The following DGLUCY variants were observed in gnomAD, a reference collection of about 807,000 sequenced individuals.
DGLUCY encodes the protein D-glutamate cyclase, mitochondrial.
Under a neutral mutation model 58.5 loss-of-function variants are expected in DGLUCY, and 58 were observed. That is an observed-to-expected ratio of 0.99 (90% confidence interval 0.80 to 1.23). DGLUCY has a LOEUF of 1.23. Among genes scored for constraint, DGLUCY ranks in the 50% most tolerant of loss-of-function variants. The probability of loss-of-function intolerance (pLI) is 0.00; values close to 1 mark genes in which losing one functional copy is unlikely to be tolerated. For synonymous variants in DGLUCY, 325 were observed against 314.1 expected (o/e 1.03, Z -0.37); for missense variants, 779 against 784.7 (o/e 0.99, Z 0.09).
intron 1 of DGLUCY, among the ~76,000 whole-genome samples, chr14:91,072,504 T>A (rs993001989): frequency 5.3e-5 from 8 of 152,174 alleles, no homozygotes; most frequent in African/African-American, 1.9e-4. Flanking sequence ...ATTTCTGTTT[T>A]CTGTAAAATT....
At chr14:91,204,569 C>A in intron 11 of DGLUCY, 137 bp from the exon 12 acceptor site, 1 of 1,200,698 alleles carries the variant, frequency 8.3e-7, no homozygotes, top group Non-Finnish European at 1.1e-6. Flanking sequence ...ACCACAACTC[C>A]TGGTTGTCTG....
At chr14:91,075,072 CAA>C (rs1163669924) in intron 1 of DGLUCY, among the ~76,000 whole-genome samples, 14 of 115,306 alleles carry the variant, frequency 1.2e-4, no homozygotes, top group African/African-American at 1.3e-4. Flanking sequence ...AACTCCGTCT[CAA>C]AAAAAAAAAA....
At chr14:91,089,936 C>G (rs1263845910) in intron 1 of DGLUCY, among the ~76,000 whole-genome samples, 1 of 151,962 alleles carries the variant, frequency 6.6e-6, no homozygotes, top group Non-Finnish European at 1.5e-5. Flanking sequence ...TCTGGGACAA[C>G]AGATGTAACC....
In DGLUCY at chr14:91,131,034, A is replaced by G. The variant is rs573998834; in HGVS notation, c.-82+16751A>G. Among the ~76,000 whole-genome samples the G allele has an allele frequency of 5.3e-5, 8 of 151,802 alleles. No individual in the cohort carries two copies. The East Asian group carries it at 1.6e-3, about 29-fold the overall frequency. On this transcript the variant is annotated intron_variant, in intron 1 of 13. Coordinates refer to ENST00000256324, the MANE Select transcript of DGLUCY (RefSeq NM_001102368.3). ...AAGAACATGACTTACTGCAGCCTCA[A>G]CCTCCCCGGCTCAAGCAAGCCTCCT...
intron 8 of DGLUCY, among the ~76,000 whole-genome samples, chr14:91,187,599 C>T (rs2049600914): frequency 6.6e-6 from 1 of 152,212 alleles, no homozygotes; most frequent in South Asian, 2.1e-4. Context: ...ATGGGCGGCT[C>T]CCAGCACGAC....
intron 1 of DGLUCY, among the ~76,000 whole-genome samples, chr14:91,092,990 A>G (rs2044337769): frequency 6.6e-6 from 1 of 151,908 alleles, no homozygotes; most frequent in Non-Finnish European, 1.5e-5. Flanking sequence ...AGGCTGAGGC[A>G]GGAGACTCAC....
upstream of DGLUCY, among the ~76,000 whole-genome samples, chr14:91,104,252 CG>C (rs1408809811): frequency 6.6e-6 from 1 of 151,324 alleles, no homozygotes; most frequent in Non-Finnish European, 1.5e-5. Flanking sequence ...TTAGTAGAGA[CG>C]GGGTTTCACC....
chr14:91,100,046 A>G (rs2140081243), intron 1 of DGLUCY, among the ~76,000 whole-genome samples: 1 of 129,450 alleles, frequency 7.7e-6, no homozygotes, highest in Non-Finnish European at 1.7e-5. Context: ...CAAGAGTGAA[A>G]CTCTGTCTCA....
intron 1 of DGLUCY, among the ~76,000 whole-genome samples, chr14:91,070,977 AAAC>A (rs1445593085): frequency 6.6e-6 from 1 of 152,190 alleles, no homozygotes; most frequent in East Asian, 1.9e-4. Flanking sequence ...AAGGTTTATA[AAAC>A]TTAAGGGCAT....
chr14:91,067,452 A>C (rs2043842387), intron 1 of DGLUCY, among the ~76,000 whole-genome samples: 1 of 152,214 alleles, frequency 6.6e-6, no homozygotes, highest in African/African-American at 2.4e-5. Flanking sequence ...ACCACATCAT[A>C]CTTTCCTTTA....
At chr14:91,090,609 A>G (rs2044295565) in intron 1 of DGLUCY, among the ~76,000 whole-genome samples, 1 of 152,178 alleles carries the variant, frequency 6.6e-6, no homozygotes, top group South Asian at 2.1e-4. Flanking sequence ...ACTAAGAGCC[A>G]CTAGCAGGAG....
intron 1 of DGLUCY, among the ~76,000 whole-genome samples, chr14:91,149,818 A>C (rs2047213967): frequency 6.6e-6 from 1 of 152,240 alleles, no homozygotes; most frequent in African/African-American, 2.4e-5. Context: ...AACTAAAAGC[A>C]GATTTACTTT....
intron 7 of DGLUCY, among the ~76,000 whole-genome samples, chr14:91,178,360 C>T (rs571166481): frequency 6.6e-6 from 1 of 152,152 alleles, no homozygotes; most frequent in South Asian, 2.1e-4. Context: ...GATGGGGTCT[C>T]ACTATGTTGC....
In DGLUCY at chr14:91,173,441, T is replaced by G. The variant is rs1028919679; in HGVS notation, c.607+2T>G. Reference sequence around the variant, plus strand: ...AACCTGTTCACATGGGCGACCCAGGTCAGTGTCTCTCGCTCCTGCCCATGA... The same window carrying G: ...AACCTGTTCACATGGGCGACCCAGGGCAGTGTCTCTCGCTCCTGCCCATGA... On this transcript the variant is annotated splice_donor_variant, in intron 6 of 13. Transcript: ENST00000256324. LOFTEE classifies it high-confidence loss of function. The G allele has an allele frequency of 1.1e-5, 18 of 1,596,484 alleles. 1 individual carries two copies. In the South Asian group the frequency reaches 1.9e-4, roughly 17 times the overall value.
At chr14:91,110,240 T>C (rs2140097413), upstream of DGLUCY, among the ~76,000 whole-genome samples, 1 of 152,206 alleles carries the variant, frequency 6.6e-6, no homozygotes, top group Non-Finnish European at 1.5e-5. Flanking sequence ...CAACTGTAAA[T>C]ATTAATATTT....
chr14:91,224,686 A>C lies in DGLUCY; in HGVS notation c.1719A>C (p.Glu573Asp), dbSNP rs1302834513. The C allele has an allele frequency of 6.3e-7, 1 of 1,587,768 alleles. No individual in the cohort carries two copies. The highest frequency in any genetic ancestry group is 1.3e-5 in the African/African-American group (1 of 74,318). The change falls in exon 14 of 14, where the codon GAA (glutamate) becomes GAC (aspartate). Residue 573 changes from glutamate to aspartate, a missense_variant and splice_region_variant. Glu to Asp is a conservative substitution (Grantham distance 45). Coordinates refer to ENST00000256324, the MANE Select transcript of DGLUCY (RefSeq NM_001102368.3). Reference protein sequence around the residue: ...WTQALPSVIKEEKMLGILVQH... With the variant: ...WTQALPSVIKDEKMLGILVQH... ...ATTTCTGCCCTATTTTTTTCCAGGA[A>C]GAAAAAATGCTGGGCATCTTGGTGC...
At chr14:91,219,570 T>G (rs1158878497) in intron 13 of DGLUCY, among the ~76,000 whole-genome samples, 1 of 152,188 alleles carries the variant, frequency 6.6e-6, no homozygotes, top group African/African-American at 2.4e-5. Context: ...GTGAGTTGCA[T>G]CTGGGGACAG....
chr14:91,137,869 A>T (rs2046433583), intron 1 of DGLUCY, among the ~76,000 whole-genome samples: 2 of 152,044 alleles, frequency 1.3e-5, no homozygotes, highest in African/African-American at 2.4e-5. Flanking sequence ...AGCAGGAGAG[A>T]TGGAGACAGG....
rs375738080 is a variant in DGLUCY, at chr14:91,068,079, G to GCGCGCA, written c.-82+7376_-82+7377insGCGCAC. On this transcript the variant is annotated intron_variant, in intron 1 of 4. Coordinates refer to the DGLUCY transcript ENST00000521334. The stretch of plus-strand genomic sequence containing the variant: ...CGCGTGCACACACACACACGCGCAC[G>GCGCGCA]CACACACACACACACACACACACAC... 6.9e-3 allele frequency among the ~76,000 whole-genome samples: 1,005 copies of GCGCGCA among 146,432 alleles called. 12 individuals carry two copies. The highest frequency in any genetic ancestry group is 0.011 in the East Asian group (55 of 4,942).
Sources: gnomAD v4.1 joint callset for allele counts (sites outside exome capture counted in the v4.1 genomes callset) on GRCh38, gnomAD v4.1.1 for gene constraint, MANE v1.5 for transcripts, NCBI Gene and HGNC (gene_info 2026-07-23, HGNC 2026-07-21) for gene names.